CDH13: variants seen among roughly 807,000 people sequenced by gnomAD.
CDH13 encodes cadherin 13.
Under a neutral mutation model 63.8 loss-of-function variants are expected in CDH13, and 24 were observed. That is an observed-to-expected ratio of 0.38 (90% CI 0.27 to 0.53). The LOEUF (loss-of-function observed/expected upper bound fraction) is 0.53. Ranked by LOEUF, CDH13 falls within the 20% of genes least tolerant of loss-of-function variation. The pLI, the probability that CDH13 is intolerant of heterozygous loss-of-function variation, is 0.85. For missense variants in CDH13, 1,049 were observed against 903.1 expected (o/e 1.16, Z -2.07); for synonymous variants, 503 against 355.3 (o/e 1.42, Z -4.67).
At chr16:83,167,797 C>G (rs1261476662) in intron 4 of CDH13, among the ~76,000 whole-genome samples, 2 of 151,646 alleles carry the variant, frequency 1.3e-5, no homozygotes, top group African/African-American at 4.8e-5. Flanking sequence ...TAGAATCAAC[C>G]TAGGTGCCCA....
At chr16:83,280,392 A>G (rs1478683522) in intron 5 of CDH13, among the ~76,000 whole-genome samples, 1 of 152,178 alleles carries the variant, frequency 6.6e-6, no homozygotes, top group African/African-American at 2.4e-5. Context: ...ATGTTTTATG[A>G]TGAGATGGCA....
chr16:83,383,169 G>A (rs2091602267), intron 6 of CDH13: 1 of 152,140 alleles, frequency 6.6e-6, no homozygotes, highest in Admixed American at 6.5e-5. Context: ...TCCATCTGAT[G>A]TTTCCTCGGG....
intron 7 of CDH13, among the ~76,000 whole-genome samples, chr16:83,537,262 A>G (rs1417770117): frequency 1.3e-5 from 2 of 152,242 alleles, no homozygotes; most frequent in East Asian, 1.9e-4. Context: ...GCGATTTTGC[A>G]TGACTTTCCT....
At chr16:83,057,307 T>TTTTCATTTAATAAA (rs1485342160) in intron 3 of CDH13, among the ~76,000 whole-genome samples, 7 of 152,114 alleles carry the variant, frequency 4.6e-5, no homozygotes, top group Admixed American at 3.3e-4. Flanking sequence ...AGACTAATAC[T>TTTTCATTTAATAAA]TGTGGTTACC....
At chr16:83,333,014 T>G (rs1036751328) in intron 5 of CDH13, among the ~76,000 whole-genome samples, 14 of 152,128 alleles carry the variant, frequency 9.2e-5, no homozygotes, top group African/African-American at 2.9e-4. Flanking sequence ...ATCAAGATCT[T>G]TAATTAATAA....
intron 2 of CDH13, among the ~76,000 whole-genome samples, chr16:83,016,341 G>A (rs1439828207): frequency 6.6e-6 from 1 of 152,174 alleles, no homozygotes; most frequent in African/African-American, 2.4e-5. Context: ...CTCACACACT[G>A]CAATTAGGGA....
chr16:83,168,499 A>C (rs1401660838), intron 4 of CDH13, among the ~76,000 whole-genome samples: 1 of 152,078 alleles, frequency 6.6e-6, no homozygotes, highest in Non-Finnish European at 1.5e-5. Context: ...ACAGAATGAC[A>C]GAGTCAACTT....
intron 10 of CDH13, among the ~76,000 whole-genome samples, chr16:83,689,191 C>G (rs1251552516): frequency 2.6e-5 from 4 of 152,062 alleles, no homozygotes; most frequent in Non-Finnish European, 5.9e-5. Flanking sequence ...TCTTGTCAGC[C>G]TTAGAAATTA....
chr16:83,145,058 T>C (rs1287872216), intron 4 of CDH13, among the ~76,000 whole-genome samples: 1 of 138,566 alleles, frequency 7.2e-6, no homozygotes, highest in African/African-American at 3.0e-5. Flanking sequence ...CAGACACAAG[T>C]ACGGGGACAT....
intron 6 of CDH13, among the ~76,000 whole-genome samples, chr16:83,480,725 C>A (rs2073740305): frequency 6.6e-6 from 1 of 152,178 alleles, no homozygotes; most frequent in Admixed American, 6.5e-5. Context: ...TCCCCTCAGT[C>A]CTGGGAGAAC....
At chr16:83,712,206 C>G (rs1378466037) in intron 10 of CDH13, among the ~76,000 whole-genome samples, 4 of 152,160 alleles carry the variant, frequency 2.6e-5, no homozygotes, top group Non-Finnish European at 5.9e-5. Flanking sequence ...ACAATTCAGA[C>G]CAGAACAGGC....
At chr16:83,596,042 A>G (rs1233006594) in intron 7 of CDH13, among the ~76,000 whole-genome samples, 1 of 152,226 alleles carries the variant, frequency 6.6e-6, no homozygotes, top group Non-Finnish European at 1.5e-5. Flanking sequence ...TTGGAGTTGC[A>G]GTTGATTACA....
chr16:83,342,719 T>C lies in CDH13; in HGVS notation c.637-2143T>C, dbSNP rs549022135. On this transcript the variant is annotated intron_variant, in intron 5 of 13. Coordinates refer to ENST00000567109, the MANE Select transcript of CDH13 (RefSeq NM_001257.5). ...TCAGCATATTTGAATATTTGGCAAA[T>C]GTGAATTCTGATTACCTATCCTACT... is the stretch of plus-strand genomic sequence containing the variant. Among the ~76,000 whole-genome samples the C allele has an allele frequency of 4.7e-4, 71 of 152,246 alleles. No individual in the cohort carries two copies. In the South Asian group the frequency reaches 9.8e-3, roughly 21 times the overall value.
At chr16:83,538,248 T>C (rs905695113) in intron 7 of CDH13, among the ~76,000 whole-genome samples, 1 of 152,160 alleles carries the variant, frequency 6.6e-6, no homozygotes, top group Non-Finnish European at 1.5e-5. Flanking sequence ...ACAAATACAT[T>C]TATTTCTGGG....
At chr16:82,670,463 T>G (rs28612732) in intron 1 of CDH13, among the ~76,000 whole-genome samples, 3,240 of 152,290 alleles carry the variant, frequency 0.021, 110 homozygotes, top group African/African-American at 0.074. Flanking sequence ...ATTCTGGAAT[T>G]AATAAAAGCT....
At chr16:83,078,056 C>T (rs1323629001) in intron 3 of CDH13, among the ~76,000 whole-genome samples, 1 of 152,150 alleles carries the variant, frequency 6.6e-6, no homozygotes, top group Non-Finnish European at 1.5e-5. Context: ...GTCAAACTTG[C>T]ATCCTCCATC....
chr16:83,177,656 C>T (rs1458731141), intron 4 of CDH13, among the ~76,000 whole-genome samples: 1 of 152,146 alleles, frequency 6.6e-6, no homozygotes, highest in Admixed American at 6.5e-5. Flanking sequence ...GTAGCAAGGT[C>T]CCCTCCACAT....
intron 2 of CDH13, among the ~76,000 whole-genome samples, chr16:83,022,240 G>A (rs1468569327): frequency 6.6e-6 from 1 of 152,172 alleles, no homozygotes; most frequent in Non-Finnish European, 1.5e-5. Context: ...CCCAGCAAAG[G>A]CTTTGCAGAT....
At chr16:83,103,160 C>T (rs1160826712) in intron 3 of CDH13, among the ~76,000 whole-genome samples, 1 of 149,920 alleles carries the variant, frequency 6.7e-6, no homozygotes, top group Non-Finnish European at 1.5e-5. Flanking sequence ...ACCATGTTGG[C>T]TAGGCTGGTC....
Sources: allele counts gnomAD v4.1 joint callset (sites outside exome capture counted in the v4.1 genomes callset), GRCh38; gene constraint gnomAD v4.1.1; transcripts MANE v1.5; gene names NCBI Gene and HGNC (gene_info 2026-07-23, HGNC 2026-07-21).